GABRA2: variants seen among roughly 807,000 people sequenced by gnomAD.
The protein encoded by GABRA2 is gamma-aminobutyric acid type A receptor subunit alpha2, also known as gamma-aminobutyric acid receptor subunit alpha-2.
A neutral mutation model predicts 48.7 loss-of-function variants in GABRA2; 16 were observed. The ratio of observed to expected loss-of-function variants is 0.33; its 90% CI spans 0.22 to 0.50. The LOEUF (loss-of-function observed/expected upper bound fraction) is 0.50, where lower values mean the gene tolerates loss of function less well. GABRA2 is among the 20% of genes least tolerant of loss of function. The pLI, the probability that GABRA2 is intolerant of heterozygous loss-of-function variation, is 0.98. For synonymous variants in GABRA2, 185 were observed against 184.5 expected (o/e 1.00, Z -0.02); for missense variants, 275 against 535.6 (o/e 0.51, Z 4.80).
At chr4:46,368,690 T>G (rs1714430100) in intron 3 of GABRA2, 1 of 331,382 alleles carries the variant, frequency 3.0e-6, no homozygotes, top group Non-Finnish European at 5.5e-6. Context: ...GAAGCACAGA[T>G]TTTGTTTAGT....
chr4:46,354,988 T>G (rs991210750), intron 3 of GABRA2, among the ~76,000 whole-genome samples: 4 of 152,122 alleles, frequency 2.6e-5, no homozygotes, highest in African/African-American at 9.7e-5. Context: ...TTATACATAC[T>G]AAGTCACTTT....
intron 4 of GABRA2, among the ~76,000 whole-genome samples, chr4:46,314,037 G>A (rs1242580456): frequency 1.3e-5 from 2 of 151,928 alleles, no homozygotes; most frequent in African/African-American, 4.8e-5. Context: ...AGAGGCTCTG[G>A]GCTGTTAATC....
intron 9 of GABRA2, among the ~76,000 whole-genome samples, chr4:46,255,965 G>A (rs987378420): frequency 1.3e-5 from 2 of 151,484 alleles, no homozygotes; most frequent in African/African-American, 4.8e-5. Flanking sequence ...GTTCCTTACA[G>A]TAAAGAAATG....
intron 4 of GABRA2, among the ~76,000 whole-genome samples, chr4:46,316,899 A>G (rs1315257066): frequency 1.3e-5 from 2 of 151,872 alleles, no homozygotes; most frequent in Non-Finnish European, 2.9e-5. Context: ...AACAAACTCC[A>G]ATGCACAAGC....
chr4:46,285,221 A>G (rs494898), intron 8 of GABRA2, among the ~76,000 whole-genome samples: 151,888 of 152,164 alleles, frequency 1, 75,806 homozygotes, highest in Middle Eastern at 1. Flanking sequence ...AAAATAACTC[A>G]TAGAATACTT....
At chr4:46,351,168 TATG>T (rs1735066370) in intron 3 of GABRA2, among the ~76,000 whole-genome samples, 1 of 151,838 alleles carries the variant, frequency 6.6e-6, no homozygotes, top group East Asian at 1.9e-4. Context: ...TATTAATACT[TATG>T]ATAAGTTCCT....
chr4:46,354,501 GAATTTT>G (rs1735659044), intron 3 of GABRA2, among the ~76,000 whole-genome samples: 1 of 152,098 alleles, frequency 6.6e-6, no homozygotes, highest in Non-Finnish European at 1.5e-5. Flanking sequence ...GAACAAGGGT[GAATTTT>G]AATTGGTTAT....
At chr4:46,368,965 T>C (rs1224097651) in intron 3 of GABRA2, 3 of 700,288 alleles carry the variant, frequency 4.3e-6, no homozygotes, top group Non-Finnish European at 2.6e-6. Context: ...GTTCTGGCTC[T>C]TGAAGGCTAT....
intron 5 of GABRA2, among the ~76,000 whole-genome samples, chr4:46,311,194 T>C (rs1171045403): frequency 1.3e-5 from 2 of 152,184 alleles, no homozygotes; most frequent in Admixed American, 6.5e-5. Flanking sequence ...TCTGAATATA[T>C]TGCAAGATTC....
At chr4:46,384,783 T>A (rs930650223) in intron 3 of GABRA2, among the ~76,000 whole-genome samples, 1 of 152,158 alleles carries the variant, frequency 6.6e-6, no homozygotes, top group Non-Finnish European at 1.5e-5. Context: ...TGGATAGTAA[T>A]TCCTTATGTT....
At chr4:46,356,918 T>C (rs1736066520) in intron 3 of GABRA2, among the ~76,000 whole-genome samples, 1 of 152,096 alleles carries the variant, frequency 6.6e-6, no homozygotes, top group South Asian at 2.1e-4. Flanking sequence ...ATGATCAGCT[T>C]TGCCACTTTC....
At chr4:46,339,999 T>C (rs947833755) in intron 3 of GABRA2, among the ~76,000 whole-genome samples, 5 of 151,766 alleles carry the variant, frequency 3.3e-5, no homozygotes, top group Non-Finnish European at 1.5e-5. Flanking sequence ...CAGCCTTCCC[T>C]ATTGTATTTT....
intron 4 of GABRA2, among the ~76,000 whole-genome samples, chr4:46,330,563 CATATATAT>C (rs71955894): frequency 0.016 from 2,099 of 128,346 alleles, 36 homozygotes; most frequent in Middle Eastern, 0.044. Flanking sequence ...TGTATATATG[CATATATAT>C]ATATATATAT....
chr4:46,377,592 C>T (rs1355791322), intron 3 of GABRA2, among the ~76,000 whole-genome samples: 6 of 151,032 alleles, frequency 4.0e-5, no homozygotes, highest in African/African-American at 7.3e-5. Context: ...CCACCTCGTC[C>T]GGCAGGGAGG....
intron 3 of GABRA2, among the ~76,000 whole-genome samples, chr4:46,342,988 TATATAGGGTTA>T (rs1733538351): frequency 6.6e-6 from 1 of 151,990 alleles, no homozygotes; most frequent in African/African-American, 2.4e-5. Context: ...AACAAATATT[TATATAGGGTTA>T]ACTACATGCC....
chr4:46,300,083 C>T (rs546598123), intron 8 of GABRA2, among the ~76,000 whole-genome samples: 2 of 151,928 alleles, frequency 1.3e-5, no homozygotes, highest in South Asian at 2.1e-4. Flanking sequence ...CAATGACTCA[C>T]CTTTCTTTAT....
chr4:46,282,044 G>T (rs1202570279), intron 8 of GABRA2, among the ~76,000 whole-genome samples: 2 of 152,106 alleles, frequency 1.3e-5, no homozygotes, highest in Non-Finnish European at 2.9e-5. Flanking sequence ...GAAACATGAG[G>T]CTGTGGAATT....
intron 4 of GABRA2, among the ~76,000 whole-genome samples, chr4:46,329,715 T>C (rs565939633): frequency 1.3e-5 from 2 of 152,286 alleles, no homozygotes; most frequent in Non-Finnish European, 2.9e-5. Context: ...TAGTTAATAA[T>C]TCTTTATATC....
At chr4:46,371,149 C>T (rs1358659829) in intron 3 of GABRA2, among the ~76,000 whole-genome samples, 6 of 152,124 alleles carry the variant, frequency 3.9e-5, no homozygotes, top group Non-Finnish European at 5.9e-5. Context: ...TTTTTCTCCT[C>T]TTAGCAAGTC....
Sources: allele counts gnomAD v4.1 joint callset (sites outside exome capture counted in the v4.1 genomes callset), GRCh38; gene constraint gnomAD v4.1.1; transcripts MANE v1.5; gene names NCBI Gene and HGNC (gene_info 2026-07-23, HGNC 2026-07-21).